The following SPIRE1 variants were observed in gnomAD, a reference collection of about 807,000 sequenced individuals.
SPIRE1 encodes spire type actin nucleation factor 1.
SPIRE1 carries 40 observed loss-of-function variants against 94.1 expected under a neutral mutation model. That is an observed-to-expected ratio of 0.43 (90% CI 0.33 to 0.55). The LOEUF is 0.55. SPIRE1 is among the 20% of genes least tolerant of loss of function. The pLI, the probability that SPIRE1 is intolerant of heterozygous loss-of-function variation, is 0.06. For synonymous variants in SPIRE1, 376 were observed against 371.7 expected (o/e 1.01, Z -0.13); for missense variants, 838 against 975.2 (o/e 0.86, Z 1.87).
intron 5 of SPIRE1, among the ~76,000 whole-genome samples, chr18:12,510,401 T>A (rs771692699): frequency 3.3e-5 from 5 of 152,142 alleles, no homozygotes; most frequent in Non-Finnish European, 7.3e-5. Context: ...TCAATAAAAG[T>A]TAGAAAATAA....
At chr18:12,450,296 T>C (rs1224176399) in intron 16 of SPIRE1, among the ~76,000 whole-genome samples, 1 of 151,828 alleles carries the variant, frequency 6.6e-6, no homozygotes, top group Non-Finnish European at 1.5e-5. Context: ...GAGGTGAAGG[T>C]TGCAGTGAGC....
chr18:12,504,456 A>C (rs563152755), intron 6 of SPIRE1, among the ~76,000 whole-genome samples: 2 of 152,150 alleles, frequency 1.3e-5, no homozygotes, highest in Non-Finnish European at 2.9e-5. Flanking sequence ...GCAGTGAGCC[A>C]AGATCACGCC....
intron 2 of SPIRE1, 79 bp downstream of exon 2, chr18:12,634,983 G>T: frequency 4.1e-6 from 3 of 731,820 alleles, no homozygotes; most frequent in South Asian, 3.4e-5. Context: ...AACCTATAGT[G>T]AGATAGTTCA....
intron 2 of SPIRE1, among the ~76,000 whole-genome samples, chr18:12,569,274 G>T (rs1042406390): frequency 6.6e-6 from 1 of 151,312 alleles, no homozygotes; most frequent in Non-Finnish European, 1.5e-5. Flanking sequence ...ACCTGGGAGG[G>T]AGCTTGCAGT....
rs114605133 is a variant in SPIRE1 at position 12,473,984 on chromosome 18, T to C, written c.1404+5715A>G. On this transcript the variant is annotated intron_variant, in intron 10 of 16. Coordinates refer to ENST00000409402, the MANE Select transcript of SPIRE1 (RefSeq NM_001128626.2). ...GAGATTAAATAAGATCACGTATATA[T>C]ACAGAGTTTACCATACAGTAGGTAT... Among the ~76,000 whole-genome samples the C allele has an allele frequency of 8.4e-3, 1,274 of 152,316 alleles. 15 individuals carry two copies. Among genetic ancestry groups the C allele is most frequent in the African/African-American group, 0.029 (1,215 of 41,556 alleles).
At chr18:12,552,502 C>T (rs1023553193) in intron 2 of SPIRE1, among the ~76,000 whole-genome samples, 12 of 152,092 alleles carry the variant, frequency 7.9e-5, no homozygotes, top group Non-Finnish European at 1.6e-4. Context: ...TTGTCTTATG[C>T]CCAATTTCTG....
intron 1 of SPIRE1, among the ~76,000 whole-genome samples, chr18:12,637,578 C>G (rs906209958): frequency 1.3e-5 from 2 of 152,132 alleles, no homozygotes; most frequent in Admixed American, 6.5e-5. Flanking sequence ...AAGGAATACA[C>G]AAACCTAACG....
At chr18:12,553,393 T>A (rs993274773) in intron 2 of SPIRE1, among the ~76,000 whole-genome samples, 1 of 151,076 alleles carries the variant, frequency 6.6e-6, no homozygotes, top group Non-Finnish European at 1.5e-5. Context: ...CACTAAAAAC[T>A]GACTGGAAAG....
intron 6 of SPIRE1, among the ~76,000 whole-genome samples, chr18:12,500,112 C>T (rs541782807): frequency 4.5e-4 from 69 of 152,240 alleles, no homozygotes; most frequent in Admixed American, 2.5e-3. Context: ...ATAGTAGACA[C>T]TGGAGAACTC....
intron 4 of SPIRE1, among the ~76,000 whole-genome samples, chr18:12,513,868 G>C (rs900893403): frequency 6.6e-6 from 1 of 151,912 alleles, no homozygotes; most frequent in African/African-American, 2.4e-5. Flanking sequence ...TTAGAGACAG[G>C]GTCTTCCTCT....
At chr18:12,485,167 C>T (rs1354833288) in intron 9 of SPIRE1, among the ~76,000 whole-genome samples, 3 of 149,094 alleles carry the variant, frequency 2.0e-5, no homozygotes, top group South Asian at 2.1e-4. Flanking sequence ...TTCAGTGGCG[C>T]GATCTCGGCT....
intron 1 of SPIRE1, among the ~76,000 whole-genome samples, chr18:12,651,533 G>A (rs754375918): frequency 5.9e-5 from 9 of 152,012 alleles, no homozygotes; most frequent in Non-Finnish European, 1.3e-4. Context: ...AATTAGCCGA[G>A]CATGGTGGCG....
At chr18:12,509,895 A>G (rs992340879) in intron 5 of SPIRE1, among the ~76,000 whole-genome samples, 10 of 151,850 alleles carry the variant, frequency 6.6e-5, no homozygotes, top group African/African-American at 2.4e-5. Context: ...GATCAGCCTG[A>G]CCAACATGGT....
chr18:12,465,064 G>A, intron 10 of SPIRE1, 106 bp from the exon 11 acceptor site: 4 of 942,150 alleles, frequency 4.2e-6, no homozygotes, highest in Non-Finnish European at 6.4e-6. Flanking sequence ...AGGCACCAAA[G>A]TATGTCAAAG....
chr18:12,583,671 C>G (rs557838029), intron 2 of SPIRE1, among the ~76,000 whole-genome samples: 1 of 151,990 alleles, frequency 6.6e-6, no homozygotes, highest in Non-Finnish European at 1.5e-5. Flanking sequence ...TGCTTGTAAT[C>G]CTAGCACTTT....
At chr18:12,625,872 G>A (rs1054804183) in intron 2 of SPIRE1, among the ~76,000 whole-genome samples, 2 of 152,056 alleles carry the variant, frequency 1.3e-5, no homozygotes, top group Admixed American at 1.3e-4. Flanking sequence ...GTGAAACCCC[G>A]TCTCTACTAA....
At chr18:12,621,487 A>T (rs994032563) in intron 2 of SPIRE1, among the ~76,000 whole-genome samples, 1 of 152,236 alleles carries the variant, frequency 6.6e-6, no homozygotes, top group Non-Finnish European at 1.5e-5. Flanking sequence ...CCATCAACTG[A>T]TGAATGGGTA....
chr18:12,473,733 T>C (rs995049529), intron 10 of SPIRE1, among the ~76,000 whole-genome samples: 5 of 152,240 alleles, frequency 3.3e-5, no homozygotes, highest in Non-Finnish European at 5.9e-5. Context: ...CAATAATATA[T>C]TAACTGATTA....
intron 2 of SPIRE1, among the ~76,000 whole-genome samples, chr18:12,586,156 G>A (rs2036386142): frequency 6.6e-6 from 1 of 152,108 alleles, no homozygotes; most frequent in East Asian, 1.9e-4. Context: ...GTCTCATTAT[G>A]TTGCCCAGGC....
Sources: allele counts gnomAD v4.1 joint callset (sites outside exome capture counted in the v4.1 genomes callset), GRCh38; gene constraint gnomAD v4.1.1; transcripts MANE v1.5; gene names NCBI Gene and HGNC (gene_info 2026-07-23, HGNC 2026-07-21).